PRTG: variants seen among roughly 807,000 people sequenced by gnomAD.
PRTG encodes the protein immunoglobulin superfamily, DCC subclass, member 5.
Under a neutral mutation model 122.5 loss-of-function variants are expected in PRTG, and 67 were observed. The ratio of observed to expected loss-of-function variants is 0.55; its 90% confidence interval spans 0.45 to 0.67. PRTG has a LOEUF of 0.67. PRTG is among the 30% of genes least tolerant of loss of function. The pLI is 0.00. For synonymous variants in PRTG, 554 were observed against 501.1 expected (o/e 1.11, Z -1.41); for missense variants, 1,435 against 1,415.4 (o/e 1.01, Z -0.22).
chr15:55,685,415 G>C (rs2059564979), intron 2 of PRTG, among the ~76,000 whole-genome samples: 1 of 152,164 alleles, frequency 6.6e-6, no homozygotes, highest in South Asian at 2.1e-4. Context: ...ACATAAATCT[G>C]TTTCAAACTG....
At chr15:55,684,133 C>T (rs1035920973) in intron 2 of PRTG, among the ~76,000 whole-genome samples, 1 of 152,092 alleles carries the variant, frequency 6.6e-6, no homozygotes, top group Admixed American at 6.6e-5. Context: ...CTGGTCTTTC[C>T]CAGAATTAAA....
chr15:55,697,190 G>A (rs2059636652), intron 2 of PRTG, among the ~76,000 whole-genome samples: 1 of 152,116 alleles, frequency 6.6e-6, no homozygotes, highest in Middle Eastern at 3.2e-3. Context: ...TGCTTTTCAG[G>A]AACTCTCTTA....
At chr15:55,672,404 G>A in intron 11 of PRTG, 41 bp downstream of exon 11, 8 of 1,510,370 alleles carry the variant, frequency 5.3e-6, no homozygotes, top group Non-Finnish European at 7.2e-6. Flanking sequence ...GTTTGTCAGA[G>A]AGGAAGGAAA....
chr15:55,647,199 G>A (rs1315545611), intron 11 of PRTG, among the ~76,000 whole-genome samples: 1 of 152,098 alleles, frequency 6.6e-6, no homozygotes, highest in Non-Finnish European at 1.5e-5. Flanking sequence ...AGAATCGCTT[G>A]AACCCAGGAG....
At chr15:55,685,495 C>T (rs906389098) in intron 2 of PRTG, among the ~76,000 whole-genome samples, 1 of 152,236 alleles carries the variant, frequency 6.6e-6, no homozygotes, top group Non-Finnish European at 1.5e-5. Context: ...CTTGAATATA[C>T]GGTGTTTTCC....
At chr15:55,666,625 A>G (rs1219044713) in intron 11 of PRTG, among the ~76,000 whole-genome samples, 1 of 152,236 alleles carries the variant, frequency 6.6e-6, no homozygotes, top group Non-Finnish European at 1.5e-5. Context: ...AAGACGCATT[A>G]GCTTTCAAAT....
In PRTG at chr15:55,682,515, T is replaced by C; in HGVS notation, c.543-18A>G. Reference sequence around the variant, plus strand: ...CAGTTATCCTGTTATGAGAGAAAGATAATTAAACTTTTTGTAGTAGATTTC... The same window carrying C: ...CAGTTATCCTGTTATGAGAGAAAGACAATTAAACTTTTTGTAGTAGATTTC... On this transcript the variant is annotated intron_variant, in intron 3 of 19. Coordinates refer to ENST00000389286, the MANE Select transcript of PRTG (RefSeq NM_173814.6). 7.4e-7 allele frequency: 1 copy of C among 1,360,198 alleles called. No homozygotes were observed. Among genetic ancestry groups the C allele is most frequent in the South Asian group, 2.1e-5 (1 of 47,584 alleles). The allele number at this position is 1,360,198 out of a possible 1,614,324, so 84.3% of individuals were successfully genotyped here. A position where few individuals can be genotyped will look rare whatever the true frequency, so the allele number is the denominator to read the frequency against.
chr15:55,657,176 T>C (rs975729699), intron 11 of PRTG, among the ~76,000 whole-genome samples: 1 of 152,172 alleles, frequency 6.6e-6, no homozygotes, highest in East Asian at 1.9e-4. Flanking sequence ...AATAGAGATA[T>C]GCACAGAAAA....
chr15:55,657,961 CTG>C (rs1419137473), intron 11 of PRTG, among the ~76,000 whole-genome samples: 1 of 152,196 alleles, frequency 6.6e-6, no homozygotes, highest in Non-Finnish European at 1.5e-5. Flanking sequence ...GAGATAAACA[CTG>C]TGAACATTAG....
chr15:55,691,209 T>C (rs1041780150), intron 2 of PRTG, among the ~76,000 whole-genome samples: 1 of 150,668 alleles, frequency 6.6e-6, no homozygotes, highest in Non-Finnish European at 1.5e-5. Context: ...GGCAGGAGAA[T>C]TGCTTGAACC....
At chr15:55,638,811 G>A (rs2059272698) in intron 13 of PRTG, 135 bp from the exon 14 acceptor site, 1 of 720,600 alleles carries the variant, frequency 1.4e-6, no homozygotes, top group Non-Finnish European at 2.2e-6. Context: ...AAAATGTTTA[G>A]ACTAAAGAAC....
intron 18 of PRTG, 92 bp downstream of exon 18, chr15:55,624,250 T>C (rs1595600025): frequency 9.0e-7 from 1 of 1,108,812 alleles, no homozygotes; most frequent in Non-Finnish European, 1.3e-6. Flanking sequence ...GTATAATACA[T>C]TCAACATACA....
At chr15:55,633,472 T>C (rs574970067) in intron 15 of PRTG, among the ~76,000 whole-genome samples, 23 of 152,210 alleles carry the variant, frequency 1.5e-4, no homozygotes, top group Non-Finnish European at 2.8e-4. Flanking sequence ...ACAAGTATTA[T>C]ATGCTCACCA....
intron 11 of PRTG, among the ~76,000 whole-genome samples, chr15:55,669,125 C>A (rs2059454296): frequency 6.6e-6 from 1 of 150,962 alleles, no homozygotes; most frequent in Non-Finnish European, 1.5e-5. Flanking sequence ...GAGAGTATGT[C>A]CCAATAATAT....
chr15:55,628,721 G>A, intron 16 of PRTG, 101 bp downstream of exon 16: 1 of 879,320 alleles, frequency 1.1e-6, no homozygotes, highest in South Asian at 2.7e-5. Flanking sequence ...GGAACTGAGA[G>A]CCGGTTTAGG....
intron 18 of PRTG, among the ~76,000 whole-genome samples, chr15:55,623,311 T>C (rs1318791629): frequency 6.6e-6 from 1 of 152,154 alleles, no homozygotes. Context: ...CTCACACCTG[T>C]AATCCCAGCA....
intron 14 of PRTG, among the ~76,000 whole-genome samples, chr15:55,638,323 A>G (rs2059269367): frequency 6.6e-6 from 1 of 152,228 alleles, no homozygotes; most frequent in African/African-American, 2.4e-5. Flanking sequence ...AAAGGACACT[A>G]AATTTAAGCC....
intron 11 of PRTG, among the ~76,000 whole-genome samples, chr15:55,658,945 G>C (rs1270926282): frequency 2.0e-5 from 3 of 152,176 alleles, no homozygotes; most frequent in Non-Finnish European, 4.4e-5. Context: ...AGGAAGAGAT[G>C]AATCAATTGT....
chr15:55,708,047 T>C (rs766357210), intron 2 of PRTG, among the ~76,000 whole-genome samples: 1 of 150,394 alleles, frequency 6.6e-6, no homozygotes, highest in Non-Finnish European at 1.5e-5. Context: ...TCTTCTGTGA[T>C]GGACACTCCT....
Sources: allele counts gnomAD v4.1 joint callset (sites outside exome capture counted in the v4.1 genomes callset), GRCh38; gene constraint gnomAD v4.1.1; transcripts MANE v1.5; gene names NCBI Gene and HGNC (gene_info 2026-07-23, HGNC 2026-07-21).